The following MOSMO variants were observed in gnomAD, a reference collection of about 807,000 sequenced individuals.
MOSMO encodes modulator of smoothened.
In MOSMO, 5 loss-of-function variants were observed where a neutral mutation model predicts 18.4. The observed-to-expected ratio is 0.27, with a 90% CI of 0.14 to 0.57. MOSMO has a LOEUF of 0.57. Ranked by LOEUF, MOSMO falls within the 20% of genes least tolerant of loss-of-function variation. The probability of loss-of-function intolerance (pLI) is 0.92; values close to 1 mark genes in which losing one functional copy is unlikely to be tolerated. For missense variants in MOSMO, 138 were observed against 211.8 expected (o/e 0.65, Z 2.16); for synonymous variants, 82 against 82.3 (o/e 1.00, Z 0.02).
intron 1 of MOSMO, among the ~76,000 whole-genome samples, chr16:22,047,020 C>G (rs963478630): frequency 6.6e-6 from 1 of 152,080 alleles, no homozygotes; most frequent in Non-Finnish European, 1.5e-5. Flanking sequence ...CTACCTTTTT[C>G]ACCCCCTCCT....
chr16:22,050,887 G>GAAAAAAAAAAAA (rs34532029), intron 1 of MOSMO, among the ~76,000 whole-genome samples: 2 of 70,486 alleles, frequency 2.8e-5, no homozygotes, highest in Admixed American at 1.6e-4. Flanking sequence ...TGTCTCTTAA[G>GAAAAAAAAAAAA]AAAAAAAAAA....
At chr16:22,021,066 G>A (rs1265317186) in intron 1 of MOSMO, among the ~76,000 whole-genome samples, 1 of 152,224 alleles carries the variant, frequency 6.6e-6, no homozygotes, top group African/African-American at 2.4e-5. Flanking sequence ...TGGTGGGGGT[G>A]GGTAGGGGAT....
intron 2 of MOSMO, among the ~76,000 whole-genome samples, chr16:22,078,608 C>T (rs1901018945): frequency 6.6e-6 from 1 of 152,198 alleles, no homozygotes; most frequent in African/African-American, 2.4e-5. Context: ...ACAAATTTAA[C>T]ATCTGCATAT....
chr16:22,024,433 C>T lies in MOSMO; in HGVS notation c.106+16026C>T, dbSNP rs545569661. ...AGGCTGGAGAGCAGTGGTATGATCT[C>T]GGCTCACTGCCACCTCCACCTCCAG... On this transcript the variant is annotated intron_variant, in intron 1 of 2. Coordinates refer to ENST00000542527, the MANE Select transcript of MOSMO (RefSeq NM_001164579.2). 2.1e-3 allele frequency among the ~76,000 whole-genome samples: 316 copies of T among 150,878 alleles called. 1 individual carries two copies. The highest frequency in any genetic ancestry group is 1.6e-3 in the Non-Finnish European group (111 of 67,826).
intron 1 of MOSMO, among the ~76,000 whole-genome samples, chr16:22,067,870 C>T (rs1203423429): frequency 6.8e-6 from 1 of 147,202 alleles, no homozygotes; most frequent in Non-Finnish European, 1.5e-5. Flanking sequence ...CAGAATGAGA[C>T]TCTGTCTCTA....
intron 1 of MOSMO, among the ~76,000 whole-genome samples, chr16:22,052,773 AATTC>A (rs1900451485): frequency 6.6e-6 from 1 of 152,186 alleles, no homozygotes; most frequent in Non-Finnish European, 1.5e-5. Context: ...AGTTTAATAT[AATTC>A]ATTAAACTGT....
At chr16:22,026,678 T>C (rs1899883857) in intron 1 of MOSMO, among the ~76,000 whole-genome samples, 1 of 152,172 alleles carries the variant, frequency 6.6e-6, no homozygotes, top group Non-Finnish European at 1.5e-5. Flanking sequence ...TACAAACTGG[T>C]TTTGGAAATG....
chr16:22,068,548 C>T lies in MOSMO; in HGVS notation c.107-6939C>T. Reference sequence around the variant, plus strand: ...CTTCCCAATTTCTTTTTCCCCCATCCTCTGGCAACCACTAGTCTATTTTCT... The same window carrying T: ...CTTCCCAATTTCTTTTTCCCCCATCTTCTGGCAACCACTAGTCTATTTTCT... On this transcript the variant is annotated intron_variant, in intron 1 of 2. Transcript: ENST00000542527. Among the ~76,000 whole-genome samples, 2 of 152,176 alleles carry T rather than the reference C, an allele frequency of 1.3e-5. 1 individual carries two copies. The highest frequency in any genetic ancestry group is 2.9e-5 in the Non-Finnish European group (2 of 68,036).
At chr16:22,073,402 G>A (rs1900898576) in intron 1 of MOSMO, among the ~76,000 whole-genome samples, 4 of 152,096 alleles carry the variant, frequency 2.6e-5, no homozygotes, top group Admixed American at 2.6e-4. Context: ...ATGGAACAGT[G>A]ACTAGAAAAG....
In MOSMO at chr16:22,008,135, G is replaced by GC. The variant is rs1468303312; in HGVS notation, c.-166dup. 6.7e-6 allele frequency: 1 copy of GC among 150,336 alleles called. No individual in the cohort carries two copies. Among genetic ancestry groups the GC allele is most frequent in the African/African-American group, 2.4e-5 (1 of 40,866 alleles). The allele number at this position is 150,336 out of a possible 1,614,324, so 9.3% of individuals were successfully genotyped here. On this transcript the variant is annotated 5_prime_UTR_variant, in exon 1 of 3. Transcript: ENST00000542527. ...CGGTTCCGTCTGTGCGGGCCGCGCC[G>GC]CGGCTGCTGGTCCCGGGCGCGCGGA... is the stretch of plus-strand genomic sequence containing the variant.
intron 1 of MOSMO, among the ~76,000 whole-genome samples, chr16:22,042,095 C>T (rs1405591157): frequency 6.6e-6 from 1 of 152,102 alleles, no homozygotes. Flanking sequence ...ATAAGGTTTG[C>T]TTCATTTGTA....
downstream of MOSMO, chr16:22,087,406 T>G (rs1355095361): frequency 6.6e-6 from 1 of 152,200 alleles, no homozygotes; most frequent in Non-Finnish European, 1.5e-5. Flanking sequence ...CCATTCATTA[T>G]CTGTCAGGGC....
At chr16:22,009,475 C>CCTCCCCTCTTCCCCCGCCTCT (rs1899471263) in intron 1 of MOSMO, among the ~76,000 whole-genome samples, 1 of 151,982 alleles carries the variant, frequency 6.6e-6, no homozygotes, top group Non-Finnish European at 1.5e-5. Context: ...ACCTCTTCTC[C>CCTCCCCTCTTCCCCCGCCTCT]CTCCCCTCTT....
At chr16:22,042,424 G>A (rs1465043297) in intron 1 of MOSMO, among the ~76,000 whole-genome samples, 2 of 152,092 alleles carry the variant, frequency 1.3e-5, no homozygotes, top group Non-Finnish European at 2.9e-5. Context: ...TTCAGCCTAC[G>A]CCACTTCCTA....
chr16:22,009,683 G>A (rs1899477224), intron 1 of MOSMO, among the ~76,000 whole-genome samples: 2 of 151,602 alleles, frequency 1.3e-5, no homozygotes, highest in South Asian at 2.1e-4. Context: ...AAATGCGGCC[G>A]GGCGCGGTGG....
At chr16:22,034,070 A>G (rs917342249) in intron 1 of MOSMO, among the ~76,000 whole-genome samples, 3 of 152,222 alleles carry the variant, frequency 2.0e-5, no homozygotes, top group Non-Finnish European at 4.4e-5. Context: ...TTTAGAACTA[A>G]TCTAAGTTCA....
rs1054720415 is a variant in MOSMO, at chr16:22,055,540, C to T, written c.107-19947C>T. ...AGGAACTAGCTATTTTTCCTACTAC[C>T]CTTGCATCCTCCTTGTGCTTAGATA... On this transcript the variant is annotated intron_variant, in intron 1 of 2. Coordinates refer to ENST00000542527, the MANE Select transcript of MOSMO (RefSeq NM_001164579.2). Among the ~76,000 whole-genome samples, 5 of 152,284 alleles carry T rather than the reference C, an allele frequency of 3.3e-5. No homozygotes were observed. In the East Asian group the frequency reaches 9.6e-4, roughly 29 times the overall value.
At chr16:22,064,023 T>C (rs1051271630) in intron 1 of MOSMO, among the ~76,000 whole-genome samples, 2 of 152,230 alleles carry the variant, frequency 1.3e-5, no homozygotes, top group African/African-American at 4.8e-5. Context: ...ATTAATCATC[T>C]AATCTCTCTG....
chr16:22,018,363 C>A (rs1899683861), intron 1 of MOSMO, among the ~76,000 whole-genome samples: 1 of 152,076 alleles, frequency 6.6e-6, no homozygotes, highest in African/African-American at 2.4e-5. Flanking sequence ...AATAGAAGTT[C>A]TTTTCAAAAA....
Sources: gnomAD v4.1 joint callset for allele counts (sites outside exome capture counted in the v4.1 genomes callset) on GRCh38, gnomAD v4.1.1 for gene constraint, MANE v1.5 for transcripts, NCBI Gene and HGNC (gene_info 2026-07-23, HGNC 2026-07-21) for gene names.